TTC7A: variants seen among roughly 807,000 people sequenced by gnomAD.
The protein encoded by TTC7A is tetratricopeptide repeat domain 7A.
Under a neutral mutation model 103.7 loss-of-function variants are expected in TTC7A, and 110 were observed. The observed-to-expected ratio is 1.06, with a 90% CI of 0.91 to 1.24. The LOEUF is 1.24. Ranked by LOEUF, TTC7A falls within the 50% of genes most tolerant of loss-of-function variation. The probability of loss-of-function intolerance (pLI) is 0.00; values close to 1 mark genes in which losing one functional copy is unlikely to be tolerated. For missense variants in TTC7A, 1,340 were observed against 1,116.3 expected (o/e 1.20, Z -2.86); for synonymous variants, 521 against 467.9 (o/e 1.11, Z -1.47).
chr2:46,957,652 G>A (rs1671999743), intron 3 of TTC7A, among the ~76,000 whole-genome samples: 1 of 152,196 alleles, frequency 6.6e-6, no homozygotes, highest in South Asian at 2.1e-4. Context: ...TGAGGGGGCT[G>A]TGGACAGCCC....
At chr2:46,991,059 CG>C (rs1675574861) in intron 5 of TTC7A, among the ~76,000 whole-genome samples, 1 of 152,124 alleles carries the variant, frequency 6.6e-6, no homozygotes, top group Non-Finnish European at 1.5e-5. Flanking sequence ...ACTACAGGCA[CG>C]GGCGCCACCA....
chr2:46,980,492 G>T (rs763444298), intron 5 of TTC7A, among the ~76,000 whole-genome samples: 1 of 152,110 alleles, frequency 6.6e-6, no homozygotes, highest in Non-Finnish European at 1.5e-5. Flanking sequence ...GATTACAGGC[G>T]TGAGCCACTG....
At chr2:46,947,120 T>A (rs1473203233) in intron 1 of TTC7A, among the ~76,000 whole-genome samples, 1 of 152,212 alleles carries the variant, frequency 6.6e-6, no homozygotes, top group Non-Finnish European at 1.5e-5. Flanking sequence ...GTTAAGACTG[T>A]TGTTTATTTT....
intron 5 of TTC7A, among the ~76,000 whole-genome samples, chr2:46,984,276 G>A (rs760604641): frequency 1.3e-5 from 2 of 152,224 alleles, no homozygotes; most frequent in Non-Finnish European, 2.9e-5. Context: ...GGATGCTCAC[G>A]CCCTGCAGGT....
At position 46,981,127 on chromosome 2, in the gene TTC7A, C is replaced by T. The variant is rs1193091817; in HGVS notation, c.764+2220C>T. Among the ~76,000 whole-genome samples the T allele has an allele frequency of 2.0e-5, 3 of 152,208 alleles. No homozygotes were observed. The East Asian group carries it at 5.8e-4, about 29-fold the overall frequency. ...GCTCAACCTTCAGCCCCTCTCTGGC[C>T]CTTGACAGAAAAAATTTGCTGATCC... On this transcript the variant is annotated intron_variant, in intron 5 of 19. Coordinates refer to ENST00000319190, the MANE Select transcript of TTC7A (RefSeq NM_020458.4).
upstream of TTC7A, among the ~76,000 whole-genome samples, chr2:46,940,500 C>T (rs941780753): frequency 2.0e-5 from 3 of 152,146 alleles, no homozygotes; most frequent in African/African-American, 7.2e-5. This position sits in a 1 kb window ranked among gnomAD's most constrained non-coding sequence, Gnocchi z 4.7. Context: ...ACCCCACAGC[C>T]CTGGGCTAAA....
At chr2:47,032,074 A>C (rs1038252988) in intron 15 of TTC7A, among the ~76,000 whole-genome samples, 2 of 152,040 alleles carry the variant, frequency 1.3e-5, no homozygotes, top group Non-Finnish European at 2.9e-5. Context: ...CTTCCTCCCA[A>C]GCTTACTCAG....
chr2:46,933,385 CAA>C (rs912579508), intron 2 of TTC7A, among the ~76,000 whole-genome samples: 3 of 152,198 alleles, frequency 2.0e-5, no homozygotes, highest in African/African-American at 7.2e-5. Context: ...ATTAATATAA[CAA>C]ATAATTACTG....
At chr2:47,073,247 C>T (rs1279869742) in intron 19 of TTC7A, among the ~76,000 whole-genome samples, 1 of 152,196 alleles carries the variant, frequency 6.6e-6, no homozygotes, top group Non-Finnish European at 1.5e-5. Context: ...ACGCATGGCC[C>T]CACTGAGTGA....
intron 19 of TTC7A, among the ~76,000 whole-genome samples, chr2:47,064,117 A>C (rs999348596): frequency 6.6e-6 from 1 of 152,262 alleles, no homozygotes; most frequent in African/African-American, 2.4e-5. Flanking sequence ...CAGACCAGGC[A>C]GGAAGGAGAT....
rs139342930 is a variant in TTC7A, at chr2:47,005,152, C to T, written c.1066-770C>T. Among the ~76,000 whole-genome samples the T allele has an allele frequency of 5.9e-3, 894 of 152,304 alleles. 6 individuals carry two copies. Among genetic ancestry groups the T allele is most frequent in the Non-Finnish European group, 9.1e-3 (619 of 68,032 alleles). ...CAGAGTTCTTGAGTGTGGGGAAGCTCTCCCTGGGGAGGGACGGAGGAGAGT... is the reference window on the plus strand; with the variant it reads ...CAGAGTTCTTGAGTGTGGGGAAGCTTTCCCTGGGGAGGGACGGAGGAGAGT... On this transcript the variant is annotated intron_variant, in intron 8 of 19. Transcript: ENST00000319190.
chr2:47,010,200 G>A (rs1006795526), intron 10 of TTC7A, among the ~76,000 whole-genome samples: 2 of 152,038 alleles, frequency 1.3e-5, no homozygotes, highest in Non-Finnish European at 2.9e-5. Context: ...TTCTGTAAAG[G>A]GTCAGATAGT....
At chr2:46,973,182 A>G (rs1426409457) in intron 3 of TTC7A, among the ~76,000 whole-genome samples, 1 of 152,224 alleles carries the variant, frequency 6.6e-6, no homozygotes, top group Admixed American at 6.5e-5. Flanking sequence ...GCCCAGGAGC[A>G]GAATGGAGCC....
chr2:47,031,937 C>A (rs1396617954), intron 15 of TTC7A, among the ~76,000 whole-genome samples: 1 of 152,246 alleles, frequency 6.6e-6, no homozygotes, highest in Non-Finnish European at 1.5e-5. Flanking sequence ...TGACTCTCAC[C>A]CCAGGGGTGC....
At chr2:47,006,151 C>T in intron 9 of TTC7A, 92 bp downstream of exon 9, 1 of 1,514,966 alleles carries the variant, frequency 6.6e-7, no homozygotes, top group Non-Finnish European at 8.9e-7. Context: ...CTCCACCTGT[C>T]ATTCCCCTGC....
chr2:47,073,865 T>C lies in TTC7A; in HGVS notation c.2519T>C (p.Leu840Pro), dbSNP rs2103676767. 2 of 1,613,656 alleles carry C rather than the reference T, an allele frequency of 1.2e-6. No individual in the cohort carries two copies. Among genetic ancestry groups the C allele is most frequent in the Non-Finnish European group, 1.7e-6 (2 of 1,180,020 alleles). ...EAAVDCFLTALELEASSPVLP... is the reference protein window; with the variant it reads ...EAAVDCFLTAPELEASSPVLP... Reference sequence around the variant, plus strand: ...GCCGTTGACTGCTTCCTCACCGCCCTTGAGCTGGAGGCCAGCAGCCCTGTA... The same window carrying C: ...GCCGTTGACTGCTTCCTCACCGCCCCTGAGCTGGAGGCCAGCAGCCCTGTA... Residue 840 changes from leucine to proline, a missense_variant, in exon 20 of 20, where the codon CTT becomes CCT. By Grantham distance (98) the Leu-to-Pro change is moderately conservative. Coordinates refer to ENST00000319190, the MANE Select transcript of TTC7A (RefSeq NM_020458.4).
chr2:46,941,426 C>T lies in TTC7A; in HGVS notation c.-116C>T, dbSNP rs1179463344. 4.5e-5 allele frequency: 52 copies of T among 1,150,590 alleles called. No homozygotes were observed. The highest frequency in any genetic ancestry group is 5.1e-5 in the Non-Finnish European group (46 of 905,100). 71.3% of individuals were successfully genotyped at this position (1,150,590 alleles called of 1,614,324 possible). A position where few individuals can be genotyped will look rare whatever the true frequency, so the allele number is the denominator to read the frequency against. On this transcript the variant is annotated 5_prime_UTR_variant, in exon 1 of 20. Transcript: ENST00000319190. This position sits in a 1 kb window ranked among gnomAD's most constrained non-coding sequence, Gnocchi z 4.2. ...CGGGCCCCCGCTGCCGCCCGGGCCCCGGCTGCCGTCTGCGCCCCCGTCGAC... is the reference window on the plus strand; with the variant it reads ...CGGGCCCCCGCTGCCGCCCGGGCCCTGGCTGCCGTCTGCGCCCCCGTCGAC...
At position 46,994,424 on chromosome 2, in the gene TTC7A, T is replaced by C. The variant is rs763282114; in HGVS notation, c.911T>C (p.Leu304Pro). Residue 304 changes from leucine to proline, a missense_variant, in exon 7 of 20, where the codon CTG becomes CCG. Coordinates refer to ENST00000319190, the MANE Select transcript of TTC7A (RefSeq NM_020458.4). ...AGTGAGGAGTGCTACTGGAGCCCCC[T>C]GTCCCACCCTCTGCCTGAGTTCATG... ...SLSEECYWSP[L>P]SHPLPEFMGK... 7 of 1,614,104 alleles carry C rather than the reference T, an allele frequency of 4.3e-6. No homozygotes were observed. Among genetic ancestry groups the C allele is most frequent in the Non-Finnish European group, 4.2e-6 (5 of 1,180,000 alleles).
At position 47,041,529 on chromosome 2, in the gene TTC7A, G is replaced by T. The variant is rs536635215; in HGVS notation, c.1803-4786G>T. Among the ~76,000 whole-genome samples the T allele has an allele frequency of 1.8e-4, 28 of 152,284 alleles. No homozygotes were observed. The East Asian group carries it at 5.2e-3, about 28-fold the overall frequency. ...GCACTTTGGGAGGCCAAGGTGGGTG[G>T]ATCACCTGAGGTCAGGAGTTCAAGA... is the stretch of plus-strand genomic sequence containing the variant. On this transcript the variant is annotated intron_variant, in intron 15 of 19. Coordinates refer to ENST00000319190, the MANE Select transcript of TTC7A (RefSeq NM_020458.4).
Sources: gnomAD v4.1 joint callset for allele counts (sites outside exome capture counted in the v4.1 genomes callset) on GRCh38, gnomAD v4.1.1 for gene constraint, Gnocchi (gnomAD v3.1) non-coding constraint, MANE v1.5 for transcripts, NCBI Gene and HGNC (gene_info 2026-07-23, HGNC 2026-07-21) for gene names.